PDGFB: variants seen among roughly 807,000 people sequenced by gnomAD.
PDGFB encodes the protein platelet derived growth factor subunit B, also known as platelet-derived growth factor subunit B.
PDGFB carries 6 observed loss-of-function variants against 29.0 expected under a neutral mutation model. The observed-to-expected ratio is 0.21, with a 90% confidence interval of 0.11 to 0.41. The LOEUF (loss-of-function observed/expected upper bound fraction) is 0.41, where lower values mean the gene tolerates loss of function less well. Ranked by LOEUF, PDGFB falls within the 10% of genes least tolerant of loss-of-function variation. PDGFB has a pLI of 1.00. For missense variants in PDGFB, 299 were observed against 341.8 expected (o/e 0.87, Z 0.99); for synonymous variants, 144 against 140.8 (o/e 1.02, Z -0.16).
rs529204828 is a variant in PDGFB, at chr22:39,235,585, C to A, written c.160+193G>T. Among the ~76,000 whole-genome samples, 124 of 152,368 alleles carry A rather than the reference C, an allele frequency of 8.1e-4. 2 individuals are homozygous for A. In the South Asian group the frequency reaches 0.025, roughly 31 times the overall value. ...ACACGTGGGTGCTTCTCCTGCCACA[C>A]CCCAAGTCCCAGGTACCAACCCGCC... On this transcript the variant is annotated intron_variant, in intron 2 of 6. Coordinates refer to ENST00000331163, the MANE Select transcript of PDGFB (RefSeq NM_002608.4).
chr22:39,228,278 T>C (rs1234426669), intron 5 of PDGFB, among the ~76,000 whole-genome samples: 1 of 152,196 alleles, frequency 6.6e-6, no homozygotes, highest in Non-Finnish European at 1.5e-5. Context: ...AACAAATACA[T>C]GAAGTAACTC....
rs765097658 is a variant in PDGFB, at chr22:39,230,118, C to T, written c.567G>A (p.Val189=). Residue 189 remains valine, a synonymous_variant, in exon 5 of 7, where the codon GTG becomes GTA. Transcript: ENST00000331163. ...CCTGGGAACCCCCCGGGCTTCGGGTCACAGGCCGTGCAGCTGCCACTGTCT... is the reference window on the plus strand; with the variant it reads ...CCTGGGAACCCCCCGGGCTTCGGGTTACAGGCCGTGCAGCTGCCACTGTCT... ...KCETVAAARP[V]TRSPGGSQEQ... is the part of the protein sequence containing the mutation. 2 of 1,613,918 alleles carry T rather than the reference C, an allele frequency of 1.2e-6. No individual in the cohort carries two copies. The highest frequency in any genetic ancestry group is 1.7e-6 in the Non-Finnish European group (2 of 1,180,034).
chr22:39,228,893 A>AAAATATATATATATATAT (rs1184799325), intron 5 of PDGFB, among the ~76,000 whole-genome samples: 1 of 132,520 alleles, frequency 7.5e-6, no homozygotes, highest in Non-Finnish European at 1.7e-5. Flanking sequence ...CCTCAAAAAA[A>AAAATATATATATATATAT]ATATATATAT....
chr22:39,234,686 G>T (rs1355880614), intron 2 of PDGFB, among the ~76,000 whole-genome samples: 2 of 152,234 alleles, frequency 1.3e-5, no homozygotes, highest in Non-Finnish European at 2.9e-5. Flanking sequence ...TCCCTGGTGG[G>T]GAGGAGATGG....
At chr22:39,236,871 G>A (rs925236236) in intron 1 of PDGFB, among the ~76,000 whole-genome samples, 38 of 152,212 alleles carry the variant, frequency 2.5e-4, no homozygotes, top group Non-Finnish European at 5.9e-5. Flanking sequence ...AAACACACAC[G>A]TGCAGGCACA....
chr22:39,239,864 C>G (rs895720800), intron 1 of PDGFB, among the ~76,000 whole-genome samples: 22 of 151,682 alleles, frequency 1.5e-4, no homozygotes, highest in Admixed American at 2.6e-4. Context: ...CACACACACA[C>G]AGATACACAC....
At chr22:39,233,365 C>T (rs987374760) in intron 3 of PDGFB, 70 bp downstream of exon 3, 4 of 1,204,830 alleles carry the variant, frequency 3.3e-6, no homozygotes, top group Admixed American at 2.3e-5. Context: ...CGACTGGCTG[C>T]CCGCCCCCGT....
chr22:39,232,150 T>C (rs931953538), intron 3 of PDGFB, among the ~76,000 whole-genome samples: 2 of 152,246 alleles, frequency 1.3e-5, no homozygotes, highest in African/African-American at 4.8e-5. Flanking sequence ...CACATGACTA[T>C]TTTATTCTTC....
chr22:39,231,712 C>T lies in PDGFB; in HGVS notation c.366G>A (p.Pro122=), dbSNP rs772178312. 104 of 1,609,494 alleles carry T rather than the reference C, an allele frequency of 6.5e-5. No individual in the cohort carries two copies. Among genetic ancestry groups the T allele is most frequent in the Non-Finnish European group, 4.3e-5 (51 of 1,178,332 alleles). The change falls in exon 4 of 7, where the codon CCG becomes CCA. Residue 122 remains proline (P), a synonymous_variant. Coordinates refer to ENST00000331163, the MANE Select transcript of PDGFB (RefSeq NM_002608.4). This position sits in a 1 kb window ranked among gnomAD's most constrained non-coding sequence, Gnocchi z 4.3. ...DRTNANFLVW[P]PCVEVQRCSG... is the part of the protein sequence containing the mutation. ...AGCAGCGCTGCACCTCCACACAGGG[C>T]GGCCACACCAGGAAGTTGGCGTTGG...
In PDGFB at chr22:39,242,462, G is replaced by A. The variant is rs1210645936; in HGVS notation, c.63+1439C>T. Among the ~76,000 whole-genome samples the A allele has an allele frequency of 2.7e-5, 4 of 150,540 alleles. No homozygotes were observed. The South Asian group carries it at 8.3e-4, about 31-fold the overall frequency. On this transcript the variant is annotated intron_variant, in intron 1 of 6. Coordinates refer to ENST00000331163, the MANE Select transcript of PDGFB (RefSeq NM_002608.4). This position sits in a 1 kb window ranked among gnomAD's most constrained non-coding sequence, Gnocchi z 5.7. ...CACCCCCTCCCCAACAGCTGGCCGCGGCCCGGGGGGCTGCGGGAGAGGCGG... is the reference window on the plus strand; with the variant it reads ...CACCCCCTCCCCAACAGCTGGCCGCAGCCCGGGGGGCTGCGGGAGAGGCGG...
Position 39,243,252 on chromosome 22 carries a change from G to GTC in PDGFB, c.63+647_63+648dup, listed in dbSNP as rs79409466. Among the ~76,000 whole-genome samples, 8,007 of 143,770 alleles carry GTC rather than the reference G, an allele frequency of 0.056. 295 individuals are homozygous for GTC. The highest frequency in any genetic ancestry group is 0.078 in the Non-Finnish European group (5,192 of 66,394). 94.3% of individuals were successfully genotyped at this position (143,770 alleles called of 152,430 possible). ...CCTCTCTCTCTCCGTCTCTCTCTCCGTCTCTCTCTCTCTCTCTCTCTTTCT... is the reference window on the plus strand; with the variant it reads ...CCTCTCTCTCTCCGTCTCTCTCTCCGTCTCTCTCTCTCTCTCTCTCTCTTTCT... On this transcript the variant is annotated intron_variant, in intron 1 of 6. Coordinates refer to ENST00000331163, the MANE Select transcript of PDGFB (RefSeq NM_002608.4). This position sits in a 1 kb window ranked among gnomAD's most constrained non-coding sequence, Gnocchi z 6.4.
chr22:39,228,905 T>A (rs58510506), intron 5 of PDGFB, among the ~76,000 whole-genome samples: 5 of 138,502 alleles, frequency 3.6e-5, no homozygotes, highest in African/African-American at 8.1e-5. Context: ...TATATATATA[T>A]ATAGATATAT....
intron 1 of PDGFB, among the ~76,000 whole-genome samples, chr22:39,239,085 G>A (rs2078212025): frequency 6.6e-6 from 1 of 152,218 alleles, no homozygotes; most frequent in Admixed American, 6.5e-5. Flanking sequence ...ATAATACCTC[G>A]CCCGGGGTTA....
rs2857402 is a variant in PDGFB, at chr22:39,240,581, C to T, written c.63+3320G>A. 2.0e-5 allele frequency among the ~76,000 whole-genome samples: 3 copies of T among 151,786 alleles called. No homozygotes were observed. The East Asian group carries it at 5.9e-4, about 30-fold the overall frequency. ...CCCTCGGAGCAGAGCAAAGCGAGGA[C>T]TCAGTGGGGCCATGGAGCAACAGGG... On this transcript the variant is annotated intron_variant, in intron 1 of 6. Transcript: ENST00000331163.
intron 5 of PDGFB, 75 bp downstream of exon 5, chr22:39,230,009 A>G: frequency 6.5e-7 from 1 of 1,537,866 alleles, no homozygotes; most frequent in Non-Finnish European, 8.8e-7. Flanking sequence ...TCCCATTTCC[A>G]TTTTTAAGAC....
At chr22:39,240,264 G>A (rs2146453220) in intron 1 of PDGFB, among the ~76,000 whole-genome samples, 2 of 152,110 alleles carry the variant, frequency 1.3e-5, no homozygotes, top group South Asian at 4.2e-4. Flanking sequence ...GGCAATCACT[G>A]CCCATCCCCA....
At chr22:39,236,981 A>C (rs780272265) in intron 1 of PDGFB, among the ~76,000 whole-genome samples, 1 of 152,110 alleles carries the variant, frequency 6.6e-6, no homozygotes, top group African/African-American at 2.4e-5. Context: ...TTTCTGCCTC[A>C]GTTTCCCTGG....
At chr22:39,230,932 C>CT (rs1449176548) in intron 4 of PDGFB, among the ~76,000 whole-genome samples, 1 of 152,260 alleles carries the variant, frequency 6.6e-6, no homozygotes, top group African/African-American at 2.4e-5. Context: ...AGCAGCTTCT[C>CT]TGACTCTGCC....
At chr22:39,233,699 G>GC (rs1411745630) in intron 2 of PDGFB, among the ~76,000 whole-genome samples, 175 bp from the exon 3 acceptor site, 1 of 152,182 alleles carries the variant, frequency 6.6e-6, no homozygotes, top group African/African-American at 2.4e-5. Flanking sequence ...CCTCCAAGCA[G>GC]CCCCCAGGAC....
Sources: allele counts gnomAD v4.1 joint callset (sites outside exome capture counted in the v4.1 genomes callset), GRCh38; gene constraint gnomAD v4.1.1; non-coding constraint Gnocchi (gnomAD v3.1); transcripts MANE v1.5; gene names NCBI Gene and HGNC (gene_info 2026-07-23, HGNC 2026-07-21).